The following PLA2G4E variants were observed in gnomAD, a reference collection of about 807,000 sequenced individuals.
The protein encoded by PLA2G4E is phospholipase A2 group IVE.
A neutral mutation model predicts 109.1 loss-of-function variants in PLA2G4E; 84 were observed. The observed-to-expected ratio is 0.77, with a 90% CI of 0.65 to 0.92. The LOEUF (loss-of-function observed/expected upper bound fraction) is 0.92, where lower values mean the gene tolerates loss of function less well. Ranked by LOEUF, PLA2G4E falls within the 40% of genes least tolerant of loss-of-function variation. The pLI, the probability that PLA2G4E is intolerant of heterozygous loss-of-function variation, is 0.00. For missense variants in PLA2G4E, 1,057 were observed against 1,076.6 expected, an observed-to-expected ratio of 0.98 and a Z score of 0.25; for synonymous variants, 469 against 436.1, an observed-to-expected ratio of 1.08 and a Z score of -0.94.
At chr15:41,989,356 AG>A (rs2068201504) in intron 15 of PLA2G4E, 58 bp downstream of exon 15, 1 of 1,601,890 alleles carries the variant, frequency 6.2e-7, no homozygotes, top group East Asian at 2.2e-5. Flanking sequence ...GGGCCAACCC[AG>A]GGTGGCCCAG....
chr15:42,029,334 A>C (rs1297336329), intron 1 of PLA2G4E, among the ~76,000 whole-genome samples: 1 of 152,106 alleles, frequency 6.6e-6, no homozygotes, highest in Non-Finnish European at 1.5e-5. Flanking sequence ...GGGCTCAAGC[A>C]ATCTGCCCAC....
chr15:41,989,998 A>G (rs779940390), intron 14 of PLA2G4E, 123 bp downstream of exon 14: 1 of 772,402 alleles, frequency 1.3e-6, no homozygotes, highest in African/African-American at 1.7e-5. Context: ...CTGTGTGCAC[A>G]GTCTGGATGT....
At chr15:42,040,572 G>A (rs898154172) in intron 1 of PLA2G4E, among the ~76,000 whole-genome samples, 10 of 152,146 alleles carry the variant, frequency 6.6e-5, no homozygotes, top group Non-Finnish European at 1.2e-4. Flanking sequence ...GTCAAAACAC[G>A]TACACAATAA....
intron 18 of PLA2G4E, among the ~76,000 whole-genome samples, chr15:41,985,034 A>G (rs2068117462): frequency 6.6e-6 from 1 of 152,210 alleles, no homozygotes; most frequent in Non-Finnish European, 1.5e-5. Context: ...CTCTAAAAGC[A>G]TGATGTCGCA....
chr15:41,982,083 A>G (rs1393109144), exon 20 of PLA2G4E: 4 of 152,204 alleles, frequency 2.6e-5, no homozygotes, highest in South Asian at 2.1e-4. Flanking sequence ...TTTGAGTAGC[A>G]AGGATGTACA....
chr15:41,988,790 G>A (rs61045542), intron 15 of PLA2G4E, among the ~76,000 whole-genome samples: 14,063 of 152,210 alleles, frequency 0.092, 806 homozygotes, highest in South Asian at 0.29. Flanking sequence ...GCCACCGTGG[G>A]CTGGGGGCTT....
exon 4 of PLA2G4E, chr15:42,006,004 G>A (rs1206327969): frequency 1.2e-6 from 2 of 1,613,906 alleles, no homozygotes; most frequent in Admixed American, 1.7e-5. Context: ...GGGTTGAGTG[G>A]AAACTTCACG....
intron 1 of PLA2G4E, among the ~76,000 whole-genome samples, chr15:42,026,802 A>G (rs1015170755): frequency 4.0e-5 from 6 of 151,898 alleles, no homozygotes; most frequent in African/African-American, 1.2e-4. Context: ...GTGAAACTCC[A>G]TCTCTACTAA....
At chr15:41,998,288 C>A (rs906802326) in intron 10 of PLA2G4E, 1 of 152,228 alleles carries the variant, frequency 6.6e-6, no homozygotes, top group South Asian at 2.1e-4. Flanking sequence ...GAAAATAATT[C>A]TTTCTTTGGC....
chr15:41,985,862 A>G (rs1375995749), exon 18 of PLA2G4E: 7 of 1,611,164 alleles, frequency 4.3e-6, no homozygotes, highest in Non-Finnish European at 5.9e-6. Context: ...CCAGCACAGT[A>G]GTTGAGGTGG....
At chr15:41,994,305 G>GC (rs964672530) in intron 12 of PLA2G4E, among the ~76,000 whole-genome samples, 12 of 151,830 alleles carry the variant, frequency 7.9e-5, no homozygotes, top group African/African-American at 1.5e-4. Context: ...CTGCCCCCCG[G>GC]GGGGGTGTGT....
At chr15:42,025,625 T>A (rs1351593149) in intron 1 of PLA2G4E, among the ~76,000 whole-genome samples, 2 of 152,178 alleles carry the variant, frequency 1.3e-5, no homozygotes, top group Non-Finnish European at 2.9e-5. Flanking sequence ...CCAAGAGACG[T>A]TCCCCCTACC....
At chr15:42,038,648 G>C (rs1196112256) in intron 1 of PLA2G4E, among the ~76,000 whole-genome samples, 1 of 152,220 alleles carries the variant, frequency 6.6e-6, no homozygotes, top group Non-Finnish European at 1.5e-5. Context: ...TTCCTAGCAG[G>C]CCACAGACCA....
At chr15:42,006,402 A>C (rs1253539099) in intron 3 of PLA2G4E, among the ~76,000 whole-genome samples, 1 of 152,120 alleles carries the variant, frequency 6.6e-6, no homozygotes, top group Non-Finnish European at 1.5e-5. Context: ...GAGACCTGTG[A>C]AGTATGGAAG....
At chr15:41,997,532 C>T in intron 10 of PLA2G4E, 1 of 268,602 alleles carries the variant, frequency 3.7e-6, no homozygotes. Context: ...TAACTGTTGG[C>T]ACTGTGTTAG....
intron 1 of PLA2G4E, among the ~76,000 whole-genome samples, chr15:42,049,729 G>A (rs1889475064): frequency 6.6e-6 from 1 of 152,186 alleles, no homozygotes; most frequent in Non-Finnish European, 1.5e-5. Context: ...TCGGCTGGCA[G>A]GAGGAAGCGA....
At chr15:42,046,871 C>T (rs571423662) in intron 1 of PLA2G4E, among the ~76,000 whole-genome samples, 164 of 152,226 alleles carry the variant, frequency 1.1e-3, no homozygotes, top group Admixed American at 2.7e-3. Flanking sequence ...GCAGGAGATG[C>T]GGTGATTCAA....
chr15:42,000,380 GT>G, intron 7 of PLA2G4E, 98 bp from the exon 8 acceptor site: 2 of 1,174,680 alleles, frequency 1.7e-6, no homozygotes, highest in Non-Finnish European at 2.4e-6. Context: ...TCCAGGAGGA[GT>G]TTAGAATCAC....
intron 1 of PLA2G4E, among the ~76,000 whole-genome samples, chr15:42,022,192 A>G (rs1286519136): frequency 3.9e-5 from 6 of 152,230 alleles, no homozygotes; most frequent in Non-Finnish European, 8.8e-5. Flanking sequence ...AGATGCATCC[A>G]ACCCCTCAGA....
Sources: allele counts gnomAD v4.1 joint callset (sites outside exome capture counted in the v4.1 genomes callset), GRCh38; gene constraint gnomAD v4.1.1; transcripts MANE v1.5; gene names NCBI Gene and HGNC (gene_info 2026-07-23, HGNC 2026-07-21).